The following ANGPT1 variants were observed in gnomAD, a reference collection of about 807,000 sequenced individuals.
ANGPT1 encodes the protein angiopoietin-1.
ANGPT1 carries 17 observed loss-of-function variants against 62.2 expected under a neutral mutation model. The observed-to-expected ratio is 0.27, with a 90% CI of 0.19 to 0.41. The LOEUF (loss-of-function observed/expected upper bound fraction) is 0.41. Among genes scored for constraint, ANGPT1 ranks in the 10% least tolerant of loss-of-function variants. The pLI, the probability that ANGPT1 is intolerant of heterozygous loss-of-function variation, is 1.00. For missense variants in ANGPT1, 478 were observed against 594.9 expected (o/e 0.80, Z 2.04); for synonymous variants, 199 against 198.9 (o/e 1.00, Z 0.00).
intron 1 of ANGPT1, among the ~76,000 whole-genome samples, chr8:107,423,350 C>T (rs1202622228): frequency 1.3e-5 from 2 of 152,180 alleles, no homozygotes; most frequent in African/African-American, 4.8e-5. Flanking sequence ...GGACTTATAG[C>T]TGTACCTTCT....
intron 5 of ANGPT1, 41 bp downstream of exon 5, chr8:107,303,199 G>A: frequency 1.3e-6 from 2 of 1,599,520 alleles, no homozygotes; most frequent in Non-Finnish European, 1.7e-6. Flanking sequence ...ATTCAACTGG[G>A]ATCTGGCTTA....
intron 4 of ANGPT1, among the ~76,000 whole-genome samples, chr8:107,304,263 A>G (rs1814663539): frequency 6.6e-6 from 1 of 151,746 alleles, no homozygotes; most frequent in African/African-American, 2.4e-5. Flanking sequence ...TGAAATAAAA[A>G]TGCAAAATGA....
At chr8:107,322,622 A>G in intron 3 of ANGPT1, 1 of 214,338 alleles carries the variant, frequency 4.7e-6, no homozygotes, top group Non-Finnish European at 9.4e-6. Flanking sequence ...AGAATAGTAT[A>G]TTGACCATCT....
chr8:107,258,860 G>A (rs1813428906), intron 8 of ANGPT1, among the ~76,000 whole-genome samples: 1 of 152,114 alleles, frequency 6.6e-6, no homozygotes, highest in African/African-American at 2.4e-5. Flanking sequence ...CAAGAATCAC[G>A]TTTATACTAA....
At chr8:107,398,432 G>A (rs1418376800) in intron 1 of ANGPT1, among the ~76,000 whole-genome samples, 1 of 151,138 alleles carries the variant, frequency 6.6e-6, no homozygotes, top group Non-Finnish European at 1.5e-5. Context: ...TGGTTGTAAA[G>A]GCAAATCATT....
At chr8:107,491,056 C>T (rs974977766) in intron 1 of ANGPT1, among the ~76,000 whole-genome samples, 1 of 152,056 alleles carries the variant, frequency 6.6e-6, no homozygotes, top group Non-Finnish European at 1.5e-5. Flanking sequence ...TGCTCATGGA[C>T]TTCATTTATT....
intron 1 of ANGPT1, among the ~76,000 whole-genome samples, chr8:107,366,993 C>T (rs185224215): frequency 4.6e-5 from 7 of 152,166 alleles, no homozygotes; most frequent in East Asian, 1.9e-4. Flanking sequence ...CCAACAACAA[C>T]GGGGGAATAG....
At chr8:107,288,602 T>C (rs746701478) in intron 6 of ANGPT1, among the ~76,000 whole-genome samples, 3 of 152,136 alleles carry the variant, frequency 2.0e-5, no homozygotes, top group Non-Finnish European at 2.9e-5. Context: ...AGGTTGCACA[T>C]GTAAGTCTGC....
intron 1 of ANGPT1, among the ~76,000 whole-genome samples, chr8:107,489,616 C>A (rs545499624): frequency 1.4e-4 from 21 of 152,080 alleles, no homozygotes; most frequent in Non-Finnish European, 2.1e-4. Flanking sequence ...CTAATTATTT[C>A]GAATTAGATA....
chr8:107,432,651 G>A (rs1811222693), intron 1 of ANGPT1, among the ~76,000 whole-genome samples: 2 of 145,566 alleles, frequency 1.4e-5, no homozygotes, highest in African/African-American at 5.1e-5. Flanking sequence ...GCAACAGAGC[G>A]AGACTCCATC....
At chr8:107,454,227 A>C (rs1811856635) in intron 1 of ANGPT1, among the ~76,000 whole-genome samples, 1 of 152,094 alleles carries the variant, frequency 6.6e-6, no homozygotes, top group African/African-American at 2.4e-5. Flanking sequence ...TTTTTAATAG[A>C]TGTACTTGAG....
chr8:107,438,460 G>A (rs151086631), intron 1 of ANGPT1, among the ~76,000 whole-genome samples: 17 of 152,176 alleles, frequency 1.1e-4, no homozygotes, highest in African/African-American at 3.9e-4. Context: ...TTTCTATTTT[G>A]AAGATTTTAA....
chr8:107,355,902 C>T (rs1031071391), intron 1 of ANGPT1, among the ~76,000 whole-genome samples: 1 of 152,166 alleles, frequency 6.6e-6, no homozygotes, highest in African/African-American at 2.4e-5. Flanking sequence ...GTATAAGTTC[C>T]TTAAGCACAA....
At chr8:107,275,872 T>C (rs1813852434) in intron 7 of ANGPT1, among the ~76,000 whole-genome samples, 1 of 152,152 alleles carries the variant, frequency 6.6e-6, no homozygotes, top group Non-Finnish European at 1.5e-5. Context: ...AGGACAGCAG[T>C]GGTCTGAGTC....
At chr8:107,255,473 GAGCA>G (rs1813337390) in intron 8 of ANGPT1, among the ~76,000 whole-genome samples, 1 of 152,130 alleles carries the variant, frequency 6.6e-6, no homozygotes, top group Non-Finnish European at 1.5e-5. Flanking sequence ...GAGAGCGCCG[GAGCA>G]GAAGTTAGAA....
rs115835633 is a variant in ANGPT1, at chr8:107,251,851, G to T, written c.*4C>A. 6.0e-5 allele frequency: 96 copies of T among 1,613,430 alleles called. No homozygotes were observed. The highest frequency in any genetic ancestry group is 1.2e-5 in the Non-Finnish European group (14 of 1,179,672). On this transcript the variant is annotated 3_prime_UTR_variant, in exon 9 of 9. Coordinates refer to ENST00000517746, the MANE Select transcript of ANGPT1 (RefSeq NM_001146.5). ...CTTTCATAATCGCTTCTGACATTGC[G>T]CTTTCAAAAATCTAAAGGTCGAATC...
intron 4 of ANGPT1, among the ~76,000 whole-genome samples, chr8:107,314,801 AC>A (rs1159651928): frequency 6.6e-6 from 1 of 152,168 alleles, no homozygotes; most frequent in Non-Finnish European, 1.5e-5. Flanking sequence ...CAAGTATTTT[AC>A]CCAGTCAACG....
At chr8:107,429,275 T>A (rs1193142548) in intron 1 of ANGPT1, among the ~76,000 whole-genome samples, 1 of 152,166 alleles carries the variant, frequency 6.6e-6, no homozygotes, top group Non-Finnish European at 1.5e-5. Flanking sequence ...GAGGCACTCA[T>A]AAGATGAGAC....
intron 7 of ANGPT1, among the ~76,000 whole-genome samples, chr8:107,265,007 T>C (rs1409068043): frequency 6.6e-6 from 1 of 152,142 alleles, no homozygotes; most frequent in Non-Finnish European, 1.5e-5. Context: ...TTAAGATATA[T>C]AAGAAAAGAA....
Sources: allele counts gnomAD v4.1 joint callset (sites outside exome capture counted in the v4.1 genomes callset), GRCh38; gene constraint gnomAD v4.1.1; transcripts MANE v1.5; gene names NCBI Gene and HGNC (gene_info 2026-07-23, HGNC 2026-07-21).